Variants in EPB41 observed in about 807,000 individuals in gnomAD.
The protein encoded by EPB41 is erythrocyte membrane protein band 4.1, also known as protein 4.1.
A neutral mutation model predicts 108.0 loss-of-function variants in EPB41; 65 were observed. That is an observed-to-expected ratio of 0.60 (90% CI 0.49 to 0.74). The LOEUF (loss-of-function observed/expected upper bound fraction) is 0.74, where lower values mean the gene tolerates loss of function less well. Among genes scored for constraint, EPB41 ranks in the 30% least tolerant of loss-of-function variants. The pLI is 0.00. For synonymous variants in EPB41, 336 were observed against 358.9 expected, an observed-to-expected ratio of 0.94 and a Z score of 0.72; for missense variants, 875 against 1,037.0, an observed-to-expected ratio of 0.84 and a Z score of 2.15.
At chr1:28,950,787 G>A (rs749387286) in intron 1 of EPB41, among the ~76,000 whole-genome samples, 7 of 152,040 alleles carry the variant, frequency 4.6e-5, no homozygotes, top group Non-Finnish European at 8.8e-5. Flanking sequence ...ACAGATAGAG[G>A]CAGCCTCCCA....
At chr1:28,952,211 T>C (rs533576998) in intron 1 of EPB41, among the ~76,000 whole-genome samples, 2 of 152,030 alleles carry the variant, frequency 1.3e-5, no homozygotes, top group Non-Finnish European at 2.9e-5. Context: ...GATACTTTTT[T>C]TTTTTTTTCT....
intron 1 of EPB41, among the ~76,000 whole-genome samples, chr1:28,925,214 C>T (rs562798324): frequency 2.0e-5 from 3 of 152,210 alleles, no homozygotes; most frequent in Admixed American, 1.3e-4. Flanking sequence ...CCGCCCACCT[C>T]GGCCTCTCAA....
At chr1:29,092,390 C>T (rs1030786662) in intron 16 of EPB41, among the ~76,000 whole-genome samples, 1 of 151,866 alleles carries the variant, frequency 6.6e-6, no homozygotes, top group Non-Finnish European at 1.5e-5. Flanking sequence ...CCGTGCCTGG[C>T]CAGGAACACC....
intron 10 of EPB41, 97 bp from the exon 11 acceptor site, chr1:29,039,157 G>A: frequency 7.3e-7 from 1 of 1,360,954 alleles, no homozygotes; most frequent in Non-Finnish European, 1.0e-6. Context: ...CCTGAGAATT[G>A]TGAAACTTTT....
chr1:28,911,499 A>C (rs1019089790), upstream of EPB41, among the ~76,000 whole-genome samples: 7 of 152,206 alleles, frequency 4.6e-5, no homozygotes, highest in Non-Finnish European at 1.0e-4. Flanking sequence ...ATCCAATTAG[A>C]TGTGCCATTG....
Position 29,060,427 on chromosome 1 carries a change from G to A in EPB41, c.1950G>A (p.Lys650=), listed in dbSNP as rs1435910814. 1 of 1,612,360 alleles carries A rather than the reference G, an allele frequency of 6.2e-7. No homozygotes were observed. ...TEDLIRMRKK[K]RERLDGENIY... ...CCCCCCTTTCATTTTCACAGAAAAA[G>A]AGAGAAAGACTAGATGGTGAAAACA... is the stretch of plus-strand genomic sequence containing the variant. Residue 650 remains lysine, a synonymous_variant, in exon 15 of 21, where the codon AAG becomes AAA. Transcript: ENST00000343067.
intron 1 of EPB41, among the ~76,000 whole-genome samples, chr1:28,934,365 T>C (rs1281895629): frequency 6.6e-6 from 1 of 152,148 alleles, no homozygotes; most frequent in Non-Finnish European, 1.5e-5. Context: ...CTTTCCCCCC[T>C]TTTCCATACT....
intron 1 of EPB41, among the ~76,000 whole-genome samples, chr1:28,901,501 G>T (rs2091313596): frequency 6.6e-6 from 1 of 151,850 alleles, no homozygotes; most frequent in Non-Finnish European, 1.5e-5. Flanking sequence ...GGGATTACAG[G>T]CGTGAGCCAC....
intron 17 of EPB41, among the ~76,000 whole-genome samples, chr1:29,106,061 T>C (rs1667055407): frequency 6.6e-6 from 1 of 152,166 alleles, no homozygotes; most frequent in Non-Finnish European, 1.5e-5. Flanking sequence ...CAAATCTTGT[T>C]GTGGGCGTTT....
chr1:29,032,886 C>T (rs2096807665), intron 8 of EPB41, among the ~76,000 whole-genome samples: 1 of 152,178 alleles, frequency 6.6e-6, no homozygotes, highest in South Asian at 2.1e-4. Flanking sequence ...TGGTAGTATA[C>T]ATAGCTCTAA....
At chr1:28,941,026 C>T (rs2094261050) in intron 1 of EPB41, among the ~76,000 whole-genome samples, 1 of 152,016 alleles carries the variant, frequency 6.6e-6, no homozygotes, top group Admixed American at 6.6e-5. Context: ...GTTTTCAGAA[C>T]ATATTTCACA....
At chr1:29,091,108 T>G (rs536016328) in intron 16 of EPB41, among the ~76,000 whole-genome samples, 5 of 152,220 alleles carry the variant, frequency 3.3e-5, no homozygotes, top group Admixed American at 6.5e-5. Flanking sequence ...CTGTCTAATT[T>G]AACTCAGCAG....
At chr1:28,962,885 T>C (rs536468582) in intron 1 of EPB41, among the ~76,000 whole-genome samples, 1 of 152,354 alleles carries the variant, frequency 6.6e-6, no homozygotes, top group Admixed American at 6.5e-5. Context: ...CAGATTTTTA[T>C]GGTTTTTTTA....
chr1:28,929,402 T>C (rs2093617105), intron 1 of EPB41, among the ~76,000 whole-genome samples: 1 of 147,422 alleles, frequency 6.8e-6, no homozygotes, highest in Non-Finnish European at 1.5e-5. Context: ...ATTTTTTGTA[T>C]TTTTTTTTTA....
intron 12 of EPB41, chr1:29,054,125 T>C (rs368427104): frequency 2.6e-5 from 4 of 152,212 alleles, no homozygotes; most frequent in African/African-American, 9.7e-5. Context: ...GTAGGAGAGG[T>C]TGTACTGCTG....
upstream of EPB41, among the ~76,000 whole-genome samples, chr1:28,912,191 G>A (rs2092294041): frequency 6.6e-6 from 1 of 152,166 alleles, no homozygotes; most frequent in Non-Finnish European, 1.5e-5. Flanking sequence ...ATACTGTTCT[G>A]GGAGATGAAT....
intron 1 of EPB41, among the ~76,000 whole-genome samples, chr1:28,944,533 G>GTTTTTT (rs1557761714): frequency 9.4e-6 from 1 of 106,618 alleles, no homozygotes; most frequent in African/African-American, 3.9e-5. Context: ...TCTCAGATCT[G>GTTTTTT]GTTTTTTTTT....
At chr1:29,008,311 C>T (rs922807684) in intron 4 of EPB41, among the ~76,000 whole-genome samples, 2 of 152,162 alleles carry the variant, frequency 1.3e-5, no homozygotes, top group African/African-American at 4.8e-5. Flanking sequence ...TAGACTTTAT[C>T]CCATCAGACC....
intron 2 of EPB41, among the ~76,000 whole-genome samples, chr1:28,993,030 G>A (rs998290377): frequency 6.6e-6 from 1 of 152,108 alleles, no homozygotes; most frequent in Non-Finnish European, 1.5e-5. Context: ...TAATAATACC[G>A]TGTAATGGCT....
Sources: gnomAD v4.1 joint callset for allele counts (sites outside exome capture counted in the v4.1 genomes callset) on GRCh38, gnomAD v4.1.1 for gene constraint, MANE v1.5 for transcripts, NCBI Gene and HGNC (gene_info 2026-07-23, HGNC 2026-07-21) for gene names.